TANGO6: variants seen among roughly 807,000 people sequenced by gnomAD.
The protein encoded by TANGO6 is transport and golgi organization 6 homolog, also known as transport and Golgi organization protein 6 homolog.
A neutral mutation model predicts 114.2 loss-of-function variants in TANGO6; 90 were observed. That is an observed-to-expected ratio of 0.79 (90% CI 0.66 to 0.94). The LOEUF (loss-of-function observed/expected upper bound fraction) is 0.94, where lower values mean the gene tolerates loss of function less well. Among genes scored for constraint, TANGO6 ranks in the 40% least tolerant of loss-of-function variants. The pLI, the probability that TANGO6 is intolerant of heterozygous loss-of-function variation, is 0.00. For missense variants in TANGO6, 1,274 were observed against 1,315.3 expected, an observed-to-expected ratio of 0.97 and a Z score of 0.49; for synonymous variants, 477 against 509.8, an observed-to-expected ratio of 0.94 and a Z score of 0.87.
Position 68,968,617 on chromosome 16 carries a change from G to A in TANGO6, c.2702-5411G>A, listed in dbSNP as rs1025722605. ...TGACCTCAGGTGGTCCACCCGCCTCGGCCTCTCAAAGTGCTGGGATTACAG... is the reference window on the plus strand; with the variant it reads ...TGACCTCAGGTGGTCCACCCGCCTCAGCCTCTCAAAGTGCTGGGATTACAG... On this transcript the variant is annotated intron_variant, in intron 14 of 17. Transcript: ENST00000261778. Among the ~76,000 whole-genome samples, 9 of 151,294 alleles carry A rather than the reference G, an allele frequency of 5.9e-5. No individual in the cohort carries two copies. In the East Asian group the frequency reaches 9.7e-4, roughly 16 times the overall value.
chr16:69,083,406 C>T, intron 17 of TANGO6, 79 bp from the exon 18 acceptor site: 2 of 1,473,772 alleles, frequency 1.4e-6, no homozygotes, highest in Non-Finnish European at 1.8e-6. Context: ...TCTCCTCAGG[C>T]AGGAGGAGAG....
intron 7 of TANGO6, among the ~76,000 whole-genome samples, chr16:68,885,088 A>G (rs1340923823): frequency 6.6e-6 from 1 of 152,218 alleles, no homozygotes; most frequent in African/African-American, 2.4e-5. Context: ...TGTTGTGTCT[A>G]TTAACTTTCT....
chr16:69,083,305 C>G (rs898746129), intron 17 of TANGO6, among the ~76,000 whole-genome samples, 180 bp from the exon 18 acceptor site: 1 of 152,030 alleles, frequency 6.6e-6, no homozygotes, highest in Non-Finnish European at 1.5e-5. Flanking sequence ...AAGTGATTTG[C>G]CTGCCTTGGC....
chr16:68,987,063 A>G (rs575311048), intron 15 of TANGO6, among the ~76,000 whole-genome samples: 5 of 152,196 alleles, frequency 3.3e-5, no homozygotes, highest in Non-Finnish European at 7.3e-5. Flanking sequence ...TGAGGGAGAA[A>G]GTTTTAAACA....
chr16:68,892,170 G>T (rs1000969812), intron 7 of TANGO6, among the ~76,000 whole-genome samples: 5 of 152,334 alleles, frequency 3.3e-5, no homozygotes, highest in Admixed American at 2.6e-4. Flanking sequence ...CTGCCTTCAA[G>T]GCGTTCCTAG....
At chr16:68,995,593 A>G (rs8059975) in intron 15 of TANGO6, among the ~76,000 whole-genome samples, 14,511 of 152,112 alleles carry the variant, frequency 0.095, 846 homozygotes, top group African/African-American at 0.16. Context: ...GAAGAGGGGA[A>G]TTTTTTCTCC....
At chr16:68,894,999 A>G (rs1962685406) in intron 7 of TANGO6, among the ~76,000 whole-genome samples, 1 of 152,036 alleles carries the variant, frequency 6.6e-6, no homozygotes, top group Non-Finnish European at 1.5e-5. Context: ...TTTGCTAACA[A>G]TGTGTCTTTG....
intron 16 of TANGO6, among the ~76,000 whole-genome samples, chr16:69,038,345 G>A (rs192487141): frequency 6.6e-5 from 10 of 151,976 alleles, no homozygotes; most frequent in Admixed American, 3.3e-4. Context: ...CACCAGAATC[G>A]CTTGAACCCG....
chr16:68,945,465 A>G (rs1226587409), intron 14 of TANGO6, among the ~76,000 whole-genome samples: 1 of 152,078 alleles, frequency 6.6e-6, no homozygotes, highest in Non-Finnish European at 1.5e-5. Flanking sequence ...TATTATGTGC[A>G]CTGCGTGCTT....
At chr16:68,857,581 TA>T (rs2152155548) in intron 1 of TANGO6, among the ~76,000 whole-genome samples, 1 of 152,322 alleles carries the variant, frequency 6.6e-6, no homozygotes, top group South Asian at 2.1e-4. Flanking sequence ...TTTAACTTTG[TA>T]AGAAACTGCC....
intron 15 of TANGO6, among the ~76,000 whole-genome samples, chr16:69,010,067 A>G (rs1048719646): frequency 9.2e-5 from 14 of 152,202 alleles, no homozygotes; most frequent in Admixed American, 2.0e-4. Flanking sequence ...AAAGTTTTCA[A>G]TCATTCTGTG....
chr16:68,975,886 TG>T (rs1388518805), intron 15 of TANGO6, among the ~76,000 whole-genome samples: 1 of 152,040 alleles, frequency 6.6e-6, no homozygotes, highest in East Asian at 1.9e-4. Context: ...CTTGGGTGCC[TG>T]AGTGTTCTAA....
At chr16:68,872,591 C>T (rs910655727) in intron 4 of TANGO6, among the ~76,000 whole-genome samples, 1 of 151,640 alleles carries the variant, frequency 6.6e-6, no homozygotes, top group Non-Finnish European at 1.5e-5. Flanking sequence ...CATGAGCCAC[C>T]GCCCACAGCC....
At chr16:68,870,333 G>A (rs1962247965) in intron 4 of TANGO6, among the ~76,000 whole-genome samples, 1 of 152,210 alleles carries the variant, frequency 6.6e-6, no homozygotes, top group Non-Finnish European at 1.5e-5. Flanking sequence ...GGTCCCATCA[G>A]ACAAAAGTGA....
intron 5 of TANGO6, among the ~76,000 whole-genome samples, chr16:68,876,232 G>A (rs1389773556): frequency 6.6e-6 from 1 of 151,754 alleles, no homozygotes; most frequent in Non-Finnish European, 1.5e-5. Context: ...TGCGATCTTG[G>A]CTCACCACAA....
At position 68,857,534 on chromosome 16, in the gene TANGO6, G is replaced by A. The variant is rs185597513; in HGVS notation, c.95-2350G>A. Among the ~76,000 whole-genome samples the A allele has an allele frequency of 9.9e-5, 15 of 152,000 alleles. No homozygotes were observed. The East Asian group carries it at 2.9e-3, about 29-fold the overall frequency. On this transcript the variant is annotated intron_variant, in intron 1 of 17. Coordinates refer to ENST00000261778, the MANE Select transcript of TANGO6 (RefSeq NM_024562.2). ...GTGGACATAAGTTTTCAACTCATTT[G>A]GATAAATACCCAGGAGCACAATTGC... is the stretch of plus-strand genomic sequence containing the variant.
intron 14 of TANGO6, among the ~76,000 whole-genome samples, chr16:68,965,495 T>G (rs1437027753): frequency 6.6e-6 from 1 of 152,204 alleles, no homozygotes; most frequent in Non-Finnish European, 1.5e-5. Flanking sequence ...ATTATTTTCT[T>G]CCTTTCTCTT....
intron 6 of TANGO6, among the ~76,000 whole-genome samples, chr16:68,879,869 G>T (rs1205276560): frequency 6.6e-6 from 1 of 151,950 alleles, no homozygotes; most frequent in East Asian, 1.9e-4. Flanking sequence ...GCCTGCCTCG[G>T]CCTCCTAAAG....
intron 11 of TANGO6, among the ~76,000 whole-genome samples, chr16:68,910,673 T>C (rs1567537803): frequency 6.6e-6 from 1 of 152,164 alleles, no homozygotes; most frequent in Non-Finnish European, 1.5e-5. Flanking sequence ...TGGTATATTG[T>C]TTTGTTTTAT....
Sources: gnomAD v4.1 joint callset for allele counts (sites outside exome capture counted in the v4.1 genomes callset) on GRCh38, gnomAD v4.1.1 for gene constraint, MANE v1.5 for transcripts, NCBI Gene and HGNC (gene_info 2026-07-23, HGNC 2026-07-21) for gene names.